The following SHISA9 variants were observed in gnomAD, a reference collection of about 807,000 sequenced individuals.
SHISA9 encodes protein shisa-9.
A neutral mutation model predicts 38.0 loss-of-function variants in SHISA9; 13 were observed. That is an observed-to-expected ratio of 0.34 (90% CI 0.22 to 0.54). The LOEUF is 0.54. SHISA9 is among the 20% of genes least tolerant of loss of function. SHISA9 has a pLI of 0.91. For missense variants in SHISA9, 538 were observed against 575.8 expected (o/e 0.93, Z 0.67); for synonymous variants, 275 against 242.0 (o/e 1.14, Z -1.27).
rs1348985648 is a variant in SHISA9, at chr16:13,240,022, T to G, written c.*4613T>G. The G allele has an allele frequency of 6.6e-6, 1 of 152,308 alleles. No homozygotes were observed. The highest frequency in any genetic ancestry group is 1.5e-5 in the Non-Finnish European group (1 of 68,098). 9.4% of individuals were successfully genotyped at this position (152,308 alleles called of 1,614,324 possible). A position where few individuals can be genotyped will look rare whatever the true frequency, so the allele number is the denominator to read the frequency against. ...CAAAGCAGACAGGCTGTCCTCTTCC[T>G]AATTCCATGCCCTGACATCAGCCCC... is the stretch of plus-strand genomic sequence containing the variant. On this transcript the variant is annotated 3_prime_UTR_variant, in exon 5 of 5. Coordinates refer to ENST00000558583, the MANE Select transcript of SHISA9 (RefSeq NM_001145204.3).
chr16:13,169,453 C>T (rs908508361), intron 2 of SHISA9, among the ~76,000 whole-genome samples: 2 of 152,152 alleles, frequency 1.3e-5, no homozygotes, highest in Admixed American at 6.5e-5. Context: ...AAATCCCCCT[C>T]TGGGGTATTA....
the SHISA9 span, among the ~76,000 whole-genome samples, chr16:13,367,658 G>GC: frequency 6.7e-6 from 1 of 149,524 alleles, no homozygotes; most frequent in Non-Finnish European, 1.5e-5. Flanking sequence ...GGATGCGGGG[G>GC]GGAATGAAGA....
chr16:12,919,490 G>A (rs992553093), intron 2 of SHISA9, among the ~76,000 whole-genome samples: 2 of 152,170 alleles, frequency 1.3e-5, no homozygotes, highest in African/African-American at 4.8e-5. Context: ...ATTGCTTTAA[G>A]AGAATACTAA....
chr16:12,954,561 G>A (rs148732771), intron 2 of SHISA9, among the ~76,000 whole-genome samples: 1 of 152,164 alleles, frequency 6.6e-6, no homozygotes, highest in Non-Finnish European at 1.5e-5. Context: ...AGTAGAAATA[G>A]AACTTTTTCC....
chr16:13,452,546 A>T, the SHISA9 span, among the ~76,000 whole-genome samples: 1 of 152,146 alleles, frequency 6.6e-6, no homozygotes, highest in Non-Finnish European at 1.5e-5. Flanking sequence ...TTATTTGACA[A>T]CAAAAGTCTC....
the SHISA9 span, among the ~76,000 whole-genome samples, chr16:13,532,270 C>T: frequency 6.6e-6 from 1 of 152,142 alleles, no homozygotes; most frequent in Non-Finnish European, 1.5e-5. Flanking sequence ...CTAGATCAGG[C>T]TGCAAATGTC....
the SHISA9 span, among the ~76,000 whole-genome samples, chr16:13,480,973 A>G: frequency 6.6e-6 from 1 of 152,222 alleles, no homozygotes; most frequent in East Asian, 1.9e-4. Context: ...TGCTCAGCAT[A>G]TAAACAAAAG....
At chr16:13,462,326 G>A in the SHISA9 span, among the ~76,000 whole-genome samples, 1 of 152,066 alleles carries the variant, frequency 6.6e-6, no homozygotes, top group Non-Finnish European at 1.5e-5. Flanking sequence ...GGAAGAAAAA[G>A]TAATTCAGAC....
At chr16:13,430,006 G>A in the SHISA9 span, among the ~76,000 whole-genome samples, 60 of 152,272 alleles carry the variant, frequency 3.9e-4, no homozygotes, top group Non-Finnish European at 8.1e-4. Context: ...CCAATACAAC[G>A]TGATTAATAT....
the SHISA9 span, among the ~76,000 whole-genome samples, chr16:13,544,944 A>C: frequency 6.6e-6 from 1 of 152,178 alleles, no homozygotes; most frequent in Non-Finnish European, 1.5e-5. Context: ...CTCCGTCAAA[A>C]AAAAACAATA....
intron 2 of SHISA9, among the ~76,000 whole-genome samples, chr16:13,027,054 G>T (rs1037784172): frequency 7.9e-5 from 12 of 152,192 alleles, no homozygotes; most frequent in Non-Finnish European, 1.5e-5. Context: ...CCCCACTGCT[G>T]TATCTGGGTC....
intron 4 of SHISA9, among the ~76,000 whole-genome samples, chr16:13,230,259 G>C (rs113153731): frequency 0.015 from 2,285 of 152,330 alleles, 22 homozygotes; most frequent in Non-Finnish European, 0.02. Context: ...GTACCTGTTT[G>C]ATGAATGACT....
the SHISA9 span, among the ~76,000 whole-genome samples, chr16:13,287,109 A>C: frequency 6.6e-6 from 1 of 152,182 alleles, no homozygotes; most frequent in African/African-American, 2.4e-5. Context: ...AGGAAAATGT[A>C]AGTACGTTAT....
Position 13,239,389 on chromosome 16 carries a change from C to G in SHISA9, c.*3980C>G, listed in dbSNP as rs1448828160. 5 of 151,134 alleles carry G rather than the reference C, an allele frequency of 3.3e-5. No individual in the cohort carries two copies. Among genetic ancestry groups the G allele is most frequent in the Admixed American group, 6.6e-5 (1 of 15,164 alleles). 9.4% of individuals were successfully genotyped at this position (151,134 alleles called of 1,614,324 possible). ...GCTGGGTCAAATGGTATTTCTAGTT[C>G]TAGATCCCTGAGGAATCGCCACACT... On this transcript the variant is annotated 3_prime_UTR_variant, in exon 5 of 5. Coordinates refer to ENST00000558583, the MANE Select transcript of SHISA9 (RefSeq NM_001145204.3).
Position 13,203,546 on chromosome 16 carries a change from G to A in SHISA9, c.844G>A (p.Val282Ile). Residue 282 changes from valine (V) to isoleucine (I), a missense_variant, in exon 3 of 5, where the codon GTC becomes ATC. Physicochemically the swap from Val to Ile is conservative, Grantham distance 29. This residue lies in a region of SHISA9 where 326 missense variants were observed against 305.9 expected (regional missense o/e 1.07). Transcript: ENST00000558583. ...ELNKYASLKAVGSSDGDWAVS... is the reference protein window; with the variant it reads ...ELNKYASLKAIGSSDGDWAVS... ...CAACAAGTACGCCTCCTTAAAGGCA[G>A]TCGGTAAGTGCCACCTGATGGATCT... The A allele has an allele frequency of 6.5e-7, 1 of 1,529,072 alleles. No individual in the cohort carries two copies. The highest frequency in any genetic ancestry group is 8.8e-7 in the Non-Finnish European group (1 of 1,136,998). The allele number at this position is 1,529,072 out of a possible 1,614,324, so 94.7% of individuals were successfully genotyped here. A position where few individuals can be genotyped will look rare whatever the true frequency, so the allele number is the denominator to read the frequency against.
the SHISA9 span, among the ~76,000 whole-genome samples, chr16:13,430,034 A>G: frequency 7.0e-3 from 1,072 of 152,318 alleles, 7 homozygotes; most frequent in African/African-American, 0.022. Flanking sequence ...AGGAGGAGAA[A>G]TTAGAACACT....
chr16:13,428,253 G>T, the SHISA9 span, among the ~76,000 whole-genome samples: 2 of 152,108 alleles, frequency 1.3e-5, no homozygotes, highest in Non-Finnish European at 1.5e-5. Flanking sequence ...TAATGAAGCT[G>T]ATTATTTGTG....
the SHISA9 span, among the ~76,000 whole-genome samples, chr16:13,306,091 T>C: frequency 1.3e-5 from 2 of 152,010 alleles, no homozygotes; most frequent in Non-Finnish European, 2.9e-5. Context: ...ATTCCAGGGC[T>C]TTGAAGTAGG....
chr16:13,013,630 C>T (rs2072705320), intron 2 of SHISA9, among the ~76,000 whole-genome samples: 1 of 152,202 alleles, frequency 6.6e-6, no homozygotes, highest in African/African-American at 2.4e-5. Flanking sequence ...CTTCTCTTTT[C>T]ACCCATGAGG....
Sources: gnomAD v4.1 joint callset for allele counts (sites outside exome capture counted in the v4.1 genomes callset) on GRCh38, gnomAD v4.1.1 for gene constraint, gnomAD v4.1.1 regional missense constraint, MANE v1.5 for transcripts, NCBI Gene and HGNC (gene_info 2026-07-23, HGNC 2026-07-21) for gene names.